Variants in SPIC observed in about 807,000 individuals in gnomAD.
SPIC encodes Spi-C transcription factor, also known as transcription factor Spi-C.
In SPIC, 9 loss-of-function variants were observed where a neutral mutation model predicts 16.7. The ratio of observed to expected loss-of-function variants is 0.54; its 90% CI spans 0.33 to 0.94. The LOEUF (loss-of-function observed/expected upper bound fraction) is 0.94. Ranked by LOEUF, SPIC falls within the 40% of genes least tolerant of loss-of-function variation. The pLI is 0.03. For missense variants in SPIC, 241 were observed against 285.8 expected (o/e 0.84, Z 1.13); for synonymous variants, 97 against 102.9 (o/e 0.94, Z 0.35).
chr12:101,479,529 T>C, intron 3 of SPIC, 53 bp from the exon 4 acceptor site: 1 of 1,388,630 alleles, frequency 7.2e-7, no homozygotes, highest in Non-Finnish European at 1.0e-6. Flanking sequence ...CATATTTATA[T>C]GCACAAATAC....
intron 1 of SPIC, 23 bp downstream of exon 1, chr12:101,475,525 T>C (rs1364232634): frequency 1.3e-5 from 2 of 152,222 alleles, no homozygotes; most frequent in Non-Finnish European, 2.9e-5. Context: ...CTTATGTTTT[T>C]CTAAATATCT....
chr12:101,476,936 C>T (rs368920657), intron 2 of SPIC, 29 bp downstream of exon 2: 4 of 1,435,322 alleles, frequency 2.8e-6, no homozygotes, highest in Non-Finnish European at 3.7e-6. Context: ...ATTTTCTTTA[C>T]TCTGTCCACA....
intron 4 of SPIC, 124 bp downstream of exon 4, chr12:101,479,818 C>A: frequency 8.3e-6 from 3 of 363,084 alleles, no homozygotes; most frequent in Non-Finnish European, 9.6e-6. Flanking sequence ...TTTTTTCTTT[C>A]TTTTTTTTTT....
rs867260031 is a variant in SPIC, at chr12:101,479,282, G to A, written c.98-300G>A. Among the ~76,000 whole-genome samples, 356 of 50,858 alleles carry A rather than the reference G, an allele frequency of 7.0e-3. 13 individuals are homozygous for A. Among genetic ancestry groups the A allele is most frequent in the South Asian group, 0.026 (38 of 1,474 alleles). 33.4% of individuals were successfully genotyped at this position (50,858 alleles called of 152,430 possible). On this transcript the variant is annotated intron_variant, in intron 3 of 5. Coordinates refer to ENST00000551346, the MANE Select transcript of SPIC (RefSeq NM_152323.3). ...GGAAGGAAAGAAAGAAAGAAAGAAA[G>A]AAAAAGAAAGAAAGAAAGAAAGAAA... is the stretch of plus-strand genomic sequence containing the variant.
At chr12:101,478,750 A>T (rs1016329264) in intron 3 of SPIC, among the ~76,000 whole-genome samples, 2 of 152,194 alleles carry the variant, frequency 1.3e-5, no homozygotes, top group Non-Finnish European at 2.9e-5. Context: ...ATCCTTCCTC[A>T]CCCATTATCC....
At chr12:101,482,331 A>G (rs116383283) in intron 4 of SPIC, among the ~76,000 whole-genome samples, 1,626 of 151,794 alleles carry the variant, frequency 0.011, 37 homozygotes, top group African/African-American at 0.037. Flanking sequence ...TGGCTTCCCA[A>G]ACTGTTGAGA....
intron 4 of SPIC, 142 bp from the exon 5 acceptor site, chr12:101,482,650 G>A: frequency 1.4e-6 from 1 of 708,502 alleles, no homozygotes; most frequent in Non-Finnish European, 2.4e-6. Flanking sequence ...TGCCCTGGGA[G>A]CTATCTGGCT....
chr12:101,479,274 G>GAA lies in SPIC; in HGVS notation c.98-306_98-305dup, dbSNP rs1565831258. Among the ~76,000 whole-genome samples the GAA allele has an allele frequency of 7.4e-4, 63 of 85,030 alleles. 1 individual carries two copies. Among genetic ancestry groups the GAA allele is most frequent in the African/African-American group, 1.3e-3 (23 of 17,598 alleles). 55.8% of individuals were successfully genotyped at this position (85,030 alleles called of 152,430 possible). ...AGAAAGAAGGAAGGAAAGAAAGAAA[G>GAA]AAAGAAAGAAAAAGAAAGAAAGAAA... On this transcript the variant is annotated intron_variant, in intron 3 of 5. Coordinates refer to ENST00000551346, the MANE Select transcript of SPIC (RefSeq NM_152323.3).
intron 5 of SPIC, 71 bp from the exon 6 acceptor site, chr12:101,486,273 A>G: frequency 6.8e-7 from 1 of 1,478,096 alleles, no homozygotes; most frequent in Non-Finnish European, 9.1e-7. Flanking sequence ...TAGTTGCTCA[A>G]CAAACCCTTT....
chr12:101,485,670 AT>A (rs578069591), intron 5 of SPIC, among the ~76,000 whole-genome samples: 440 of 152,320 alleles, frequency 2.9e-3, no homozygotes, highest in African/African-American at 9.8e-3. Context: ...CCCTTAACTC[AT>A]TTGAATAAAG....
At chr12:101,479,298 AAGAAAGAAAAAAGAAAG>A (rs1565831314) in intron 3 of SPIC, among the ~76,000 whole-genome samples, 4 of 46,042 alleles carry the variant, frequency 8.7e-5, no homozygotes, top group Admixed American at 2.0e-4. Context: ...GAAAGAAAGA[AAGAAAGAAAAAAGAAAG>A]AAAGAAAGAA....
At position 101,482,232 on chromosome 12, in the gene SPIC, C is replaced by CAA. The variant is rs563196977; in HGVS notation, c.211-545_211-544dup. ...AGGCAACAAGAGTGAAACTCTGTCT[C>CAA]AAAAAAAAAAAAAAAATTGTAGAGG... On this transcript the variant is annotated intron_variant, in intron 4 of 5. Transcript: ENST00000551346. 5.1e-3 allele frequency among the ~76,000 whole-genome samples: 668 copies of CAA among 131,286 alleles called. 9 individuals are homozygous for CAA. Among genetic ancestry groups the CAA allele is most frequent in the African/African-American group, 0.018 (638 of 36,212 alleles). The allele number at this position is 131,286 out of a possible 152,430, so 86.1% of individuals were successfully genotyped here.
chr12:101,479,571 T>G lies in SPIC; in HGVS notation c.98-11T>G. ...TGACTTTTTTAGTTTCTTTCTCTGA[T>G]TTAAAATTAGATTACAGAAATTACC... On this transcript the variant is annotated splice_polypyrimidine_tract_variant and intron_variant, in intron 3 of 5. Transcript: ENST00000551346. 1 of 1,605,730 alleles carries G rather than the reference T, an allele frequency of 6.2e-7. No individual in the cohort carries two copies. The highest frequency in any genetic ancestry group is 2.2e-5 in the East Asian group (1 of 44,740).
intron 5 of SPIC, among the ~76,000 whole-genome samples, chr12:101,483,919 C>T (rs1326551090): frequency 6.6e-6 from 1 of 151,752 alleles, no homozygotes; most frequent in Non-Finnish European, 1.5e-5. Context: ...ATTCAGGCAG[C>T]CCCCCCGAAC....
chr12:101,480,971 G>C, intron 4 of SPIC, among the ~76,000 whole-genome samples: 1 of 152,102 alleles, frequency 6.6e-6, no homozygotes, highest in East Asian at 1.9e-4. Flanking sequence ...TTCTACTTCA[G>C]CTCCCATTTT....
intron 3 of SPIC, among the ~76,000 whole-genome samples, chr12:101,479,223 G>GGAAA (rs1488526544): frequency 4.7e-5 from 2 of 42,466 alleles, no homozygotes; most frequent in South Asian, 7.2e-4. Context: ...AAAGAAAGAA[G>GGAAA]GAAAGAAAGA....
intron 3 of SPIC, among the ~76,000 whole-genome samples, chr12:101,479,166 GAAAGAA>G (rs1227608341): frequency 2.1e-5 from 2 of 93,100 alleles, no homozygotes; most frequent in African/African-American, 4.2e-5. Context: ...AAGAAAGAAA[GAAAGAA>G]AAAGAAAGAA....
chr12:101,483,226 ATTTTTATTT>A (rs1171578796), intron 5 of SPIC, among the ~76,000 whole-genome samples: 1 of 149,786 alleles, frequency 6.7e-6, no homozygotes, highest in Admixed American at 6.7e-5. Flanking sequence ...AAATTTTTTT[ATTTTTATTT>A]TTTACTTTTT....
intron 4 of SPIC, among the ~76,000 whole-genome samples, chr12:101,481,612 C>T (rs867901431): frequency 2.6e-5 from 4 of 151,230 alleles, no homozygotes; most frequent in East Asian, 2.0e-4. Context: ...CAGGTTCAAG[C>T]GATTCTCCTG....
Sources: allele counts gnomAD v4.1 joint callset (sites outside exome capture counted in the v4.1 genomes callset), GRCh38; gene constraint gnomAD v4.1.1; transcripts MANE v1.5; gene names NCBI Gene and HGNC (gene_info 2026-07-23, HGNC 2026-07-21).